Variants in RAPGEF4 observed in about 807,000 individuals in gnomAD.
The protein encoded by RAPGEF4 is RAP guanine-nucleotide-exchange factor (GEF) 4.
Under a neutral mutation model 147.9 loss-of-function variants are expected in RAPGEF4, and 66 were observed. That is an observed-to-expected ratio of 0.45 (90% CI 0.37 to 0.55). RAPGEF4 has a LOEUF of 0.55. Among genes scored for constraint, RAPGEF4 ranks in the 20% least tolerant of loss-of-function variants. RAPGEF4 has a pLI of 0.00. For missense variants in RAPGEF4, 1,071 were observed against 1,257.3 expected (o/e 0.85, Z 2.24); for synonymous variants, 419 against 442.7 (o/e 0.95, Z 0.67).
At chr2:172,867,925 C>T (rs1694815745) in intron 4 of RAPGEF4, among the ~76,000 whole-genome samples, 1 of 152,196 alleles carries the variant, frequency 6.6e-6, no homozygotes, top group Non-Finnish European at 1.5e-5. Flanking sequence ...ACCTTTTTAA[C>T]TTCTTTAAAG....
At chr2:173,001,635 A>G (rs1367996661) in intron 17 of RAPGEF4, among the ~76,000 whole-genome samples, 3 of 152,188 alleles carry the variant, frequency 2.0e-5, no homozygotes, top group African/African-American at 2.4e-5. Context: ...TGGGTAATTT[A>G]TAAGAAAAGA....
intron 4 of RAPGEF4, among the ~76,000 whole-genome samples, chr2:172,909,210 C>A (rs1699885639): frequency 6.6e-6 from 1 of 152,180 alleles, no homozygotes; most frequent in Admixed American, 6.5e-5. Flanking sequence ...GAGCAGGATG[C>A]TCTGTAACAA....
At chr2:172,904,158 C>T (rs1010886139) in intron 4 of RAPGEF4, among the ~76,000 whole-genome samples, 4 of 152,136 alleles carry the variant, frequency 2.6e-5, no homozygotes, top group African/African-American at 9.7e-5. Flanking sequence ...CTATTACTGA[C>T]ATTATTGTTA....
intron 11 of RAPGEF4, among the ~76,000 whole-genome samples, chr2:172,983,839 G>T (rs916799516): frequency 6.6e-6 from 1 of 152,144 alleles, no homozygotes; most frequent in Non-Finnish European, 1.5e-5. Context: ...GTTGGAACAT[G>T]GGCTTCATCC....
chr2:172,972,323 G>A (rs1336255135), intron 10 of RAPGEF4, among the ~76,000 whole-genome samples: 2 of 152,300 alleles, frequency 1.3e-5, no homozygotes, highest in Non-Finnish European at 2.9e-5. Context: ...ATTATAGAGG[G>A]ATTTGTTTCT....
At chr2:172,929,391 T>G (rs1685692239) in intron 6 of RAPGEF4, among the ~76,000 whole-genome samples, 1 of 152,190 alleles carries the variant, frequency 6.6e-6, no homozygotes, top group Non-Finnish European at 1.5e-5. Flanking sequence ...TAAATGCACA[T>G]ATATATACAT....
At chr2:172,863,848 A>G (rs1694308474) in intron 4 of RAPGEF4, among the ~76,000 whole-genome samples, 1 of 152,240 alleles carries the variant, frequency 6.6e-6, no homozygotes, top group African/African-American at 2.4e-5. Flanking sequence ...AAAGTCATGT[A>G]CAATTGCAAT....
At chr2:172,879,959 G>A (rs1696418510) in intron 4 of RAPGEF4, among the ~76,000 whole-genome samples, 1 of 152,158 alleles carries the variant, frequency 6.6e-6, no homozygotes, top group Non-Finnish European at 1.5e-5. Context: ...TTTTATTTTG[G>A]TAGTGGTTGG....
intron 6 of RAPGEF4, among the ~76,000 whole-genome samples, chr2:172,927,658 C>T (rs768622991): frequency 6.6e-5 from 10 of 151,822 alleles, no homozygotes; most frequent in Non-Finnish European, 1.2e-4. Context: ...AAAAAACCAA[C>T]AATCAGAGAT....
intron 4 of RAPGEF4, among the ~76,000 whole-genome samples, chr2:172,902,072 G>A (rs1699114983): frequency 6.6e-6 from 1 of 152,142 alleles, no homozygotes. Context: ...AGGGCAAGTG[G>A]CAGAAGTACA....
intron 4 of RAPGEF4, among the ~76,000 whole-genome samples, chr2:172,902,339 C>T (rs139066882): frequency 9.0e-4 from 137 of 151,714 alleles, no homozygotes; most frequent in Middle Eastern, 6.8e-3. Flanking sequence ...GGGTCTCACT[C>T]TCGCCCAGGC....
intron 4 of RAPGEF4, among the ~76,000 whole-genome samples, chr2:172,869,397 CTT>C (rs1182217004): frequency 6.6e-6 from 1 of 152,170 alleles, no homozygotes; most frequent in Non-Finnish European, 1.5e-5. Flanking sequence ...TGAAAAATCT[CTT>C]TGCTAAAAGT....
chr2:172,808,959 C>T (rs1293077229), intron 3 of RAPGEF4, among the ~76,000 whole-genome samples: 1 of 152,178 alleles, frequency 6.6e-6, no homozygotes, highest in African/African-American at 2.4e-5. Context: ...TATTAACTTA[C>T]CTAATGCCAG....
Position 173,036,274 on chromosome 2 carries a change from A to G in RAPGEF4, c.2788+62A>G, listed in dbSNP as rs1445183139. 6 of 1,260,828 alleles carry G rather than the reference A, an allele frequency of 4.8e-6. No homozygotes were observed. The East Asian group carries it at 6.9e-5, about 15-fold the overall frequency. The allele number at this position is 1,260,828 out of a possible 1,614,324, so 78.1% of individuals were successfully genotyped here. ...GAGTATTTGGGGAGGGAAATGAACA[A>G]TACCTTGATAAGATTGATTACTTAG... On this transcript the variant is annotated intron_variant, in intron 28 of 30. Coordinates refer to ENST00000397081, the MANE Select transcript of RAPGEF4 (RefSeq NM_007023.4).
chr2:172,980,244 C>A (rs940663661), intron 10 of RAPGEF4, among the ~76,000 whole-genome samples: 1 of 151,788 alleles, frequency 6.6e-6, no homozygotes, highest in African/African-American at 2.4e-5. Context: ...TTTCCAGGAG[C>A]GTTGTGTGAT....
At chr2:172,788,977 C>T (rs1271364152) in intron 1 of RAPGEF4, among the ~76,000 whole-genome samples, 1 of 152,188 alleles carries the variant, frequency 6.6e-6, no homozygotes, top group Non-Finnish European at 1.5e-5. Flanking sequence ...AAGCTCACAT[C>T]ATTTTTGGCA....
In RAPGEF4 at chr2:172,902,295, C is replaced by CTTTATTTATTTATTTA. The variant is rs10678095; in HGVS notation, c.445-15495_445-15480dup. ...TGGAGCCCATGTCTGCCTGGATCTT[C>CTTTATTTATTTATTTA]TTTATTTATTTATTTATTTATTTAT... On this transcript the variant is annotated intron_variant, in intron 4 of 30. Coordinates refer to ENST00000397081, the MANE Select transcript of RAPGEF4 (RefSeq NM_007023.4). Among the ~76,000 whole-genome samples, 167 of 148,440 alleles carry CTTTATTTATTTATTTA rather than the reference C, an allele frequency of 1.1e-3. 1 individual carries two copies. In the East Asian group the frequency reaches 0.024, roughly 22 times the overall value.
At chr2:172,881,260 C>T (rs1696587156) in intron 4 of RAPGEF4, among the ~76,000 whole-genome samples, 1 of 151,918 alleles carries the variant, frequency 6.6e-6, no homozygotes, top group Non-Finnish European at 1.5e-5. Flanking sequence ...TTTCTTTTTT[C>T]TAATATACTG....
intron 4 of RAPGEF4, among the ~76,000 whole-genome samples, chr2:172,860,522 C>T (rs112294027): frequency 0.072 from 10,777 of 149,738 alleles, 434 homozygotes; most frequent in South Asian, 0.13. Flanking sequence ...TAATGGTTGT[C>T]ATAACTGTCT....
Sources: allele counts gnomAD v4.1 joint callset (sites outside exome capture counted in the v4.1 genomes callset), GRCh38; gene constraint gnomAD v4.1.1; transcripts MANE v1.5; gene names NCBI Gene and HGNC (gene_info 2026-07-23, HGNC 2026-07-21).